The following CHD6 variants were observed in gnomAD, a reference collection of about 807,000 sequenced individuals.
CHD6 encodes chromodomain helicase DNA binding protein 6.
A neutral mutation model predicts 276.9 loss-of-function variants in CHD6; 50 were observed. That is an observed-to-expected ratio of 0.18 (90% CI 0.14 to 0.23). The LOEUF (loss-of-function observed/expected upper bound fraction) is 0.23. Among genes scored for constraint, CHD6 ranks in the 10% least tolerant of loss-of-function variants. CHD6 has a pLI of 1.00. For missense variants in CHD6, 2,564 were observed against 3,365.8 expected, an observed-to-expected ratio of 0.76 and a Z score of 5.89; for synonymous variants, 1,173 against 1,229.3, an observed-to-expected ratio of 0.95 and a Z score of 0.96.
chr20:41,455,144 T>C (rs908180407), intron 19 of CHD6, among the ~76,000 whole-genome samples: 3 of 152,312 alleles, frequency 2.0e-5, no homozygotes, highest in African/African-American at 7.2e-5. Context: ...GTATGAGGTG[T>C]AGAGACAAGG....
chr20:41,603,354 A>G (rs1036586428), intron 1 of CHD6, among the ~76,000 whole-genome samples: 1 of 152,076 alleles, frequency 6.6e-6, no homozygotes, highest in Admixed American at 6.5e-5. Flanking sequence ...AAAAGAAAAG[A>G]AAAAAACCTT....
intron 36 of CHD6, among the ~76,000 whole-genome samples, chr20:41,408,781 A>T (rs1305361652): frequency 6.6e-6 from 1 of 152,234 alleles, no homozygotes; most frequent in African/African-American, 2.4e-5. Context: ...TTCTGTTAGG[A>T]AGAAAACAAG....
At chr20:41,483,614 C>A in intron 15 of CHD6, 95 bp from the exon 16 acceptor site, 1 of 922,406 alleles carries the variant, frequency 1.1e-6, no homozygotes. Flanking sequence ...GAAGTGAATT[C>A]TTAGGTCCTA....
At chr20:41,589,832 T>C (rs1217950331) in intron 1 of CHD6, among the ~76,000 whole-genome samples, 2 of 151,900 alleles carry the variant, frequency 1.3e-5, no homozygotes, top group East Asian at 3.9e-4. Flanking sequence ...CCCATCAAGC[T>C]ATCACTTTCT....
At chr20:41,461,061 C>T (rs2048531554) in intron 17 of CHD6, among the ~76,000 whole-genome samples, 1 of 152,244 alleles carries the variant, frequency 6.6e-6, no homozygotes, top group African/African-American at 2.4e-5. Flanking sequence ...AATTTCAATG[C>T]TCCGGTGGAT....
At chr20:41,427,899 T>C (rs2047415611) in intron 27 of CHD6, among the ~76,000 whole-genome samples, 1 of 152,352 alleles carries the variant, frequency 6.6e-6, no homozygotes, top group African/African-American at 2.4e-5. Flanking sequence ...TGAAGATCCT[T>C]TGAATGCTGA....
intron 4 of CHD6, among the ~76,000 whole-genome samples, chr20:41,513,323 A>T (rs1170617006): frequency 6.6e-6 from 1 of 152,124 alleles, no homozygotes; most frequent in Non-Finnish European, 1.5e-5. Context: ...TCCTCCAATA[A>T]AACAAGGATG....
chr20:41,586,962 T>C (rs560897402), intron 1 of CHD6, among the ~76,000 whole-genome samples: 3 of 152,282 alleles, frequency 2.0e-5, no homozygotes, highest in East Asian at 3.9e-4. Context: ...GGAGGAATCC[T>C]AGCCAGTGCA....
At chr20:41,499,041 C>T (rs2043766501) in intron 6 of CHD6, among the ~76,000 whole-genome samples, 1 of 151,976 alleles carries the variant, frequency 6.6e-6, no homozygotes, top group Non-Finnish European at 1.5e-5. Context: ...GCTACAGCAA[C>T]TAAGGGATAT....
rs903367515 is a variant in CHD6 at position 41,488,512 on chromosome 20, G to A, written c.1773C>T (p.His591=). 3 of 1,613,828 alleles carry A rather than the reference G, an allele frequency of 1.9e-6. No individual in the cohort carries two copies. Among genetic ancestry groups the A allele is most frequent in the Non-Finnish European group, 2.5e-6 (3 of 1,179,870 alleles). Residue 591 remains histidine, a synonymous_variant, in exon 13 of 37, where the codon CAC becomes CAT. Coordinates refer to ENST00000373233, the MANE Select transcript of CHD6 (RefSeq NM_032221.5). ...CTTCATCAATTATCACACAGCTCCA[G>A]TGAATCTTCTTCAACTCTGGGCAGT... is the stretch of plus-strand genomic sequence containing the variant. ...LADCPELKKI[H]WSCVIIDEAH...
At chr20:41,457,201 A>C (rs2048401927) in intron 18 of CHD6, 63 bp downstream of exon 18, 1 of 1,554,964 alleles carries the variant, frequency 6.4e-7, no homozygotes. Flanking sequence ...GTAAGAAGAG[A>C]AGCCTGTCTG....
chr20:41,601,634 C>T (rs1466748472), intron 1 of CHD6, among the ~76,000 whole-genome samples: 3 of 152,138 alleles, frequency 2.0e-5, no homozygotes, highest in Non-Finnish European at 2.9e-5. Flanking sequence ...AAGGCAGGAT[C>T]TTCAATGCCC....
At chr20:41,541,078 A>G (rs1444236741) in intron 2 of CHD6, among the ~76,000 whole-genome samples, 1 of 151,152 alleles carries the variant, frequency 6.6e-6, no homozygotes, top group African/African-American at 2.4e-5. Context: ...TTTTGCTGCA[A>G]TTGTACTGGA....
chr20:41,451,760 G>T (rs139439828), intron 22 of CHD6, 66 bp downstream of exon 22: 2 of 1,384,988 alleles, frequency 1.4e-6, no homozygotes, highest in Non-Finnish European at 2.1e-6. Context: ...ATACGGCCCC[G>T]CAGAGGAAGA....
chr20:41,612,178 C>CT (rs1403245035), intron 1 of CHD6, among the ~76,000 whole-genome samples: 1 of 152,222 alleles, frequency 6.6e-6, no homozygotes, highest in Non-Finnish European at 1.5e-5. Context: ...CTACATGCTT[C>CT]TTTTCAAGTT....
At chr20:41,405,526 C>A (rs765422490) in intron 36 of CHD6, 37 bp from the exon 37 acceptor site, 1 of 1,491,800 alleles carries the variant, frequency 6.7e-7, no homozygotes, top group African/African-American at 1.4e-5. Context: ...CTGAAGGCAA[C>A]AGGATGGCAG....
intron 1 of CHD6, among the ~76,000 whole-genome samples, chr20:41,554,240 C>T (rs1049348998): frequency 1.3e-5 from 2 of 152,126 alleles, no homozygotes; most frequent in Non-Finnish European, 2.9e-5. Flanking sequence ...AATTATGATG[C>T]AGCAGGGACA....
At chr20:41,604,878 T>C (rs939468151) in intron 1 of CHD6, among the ~76,000 whole-genome samples, 4 of 152,078 alleles carry the variant, frequency 2.6e-5, no homozygotes, top group African/African-American at 9.7e-5. Flanking sequence ...GGCACATGAC[T>C]ACGTAATACA....
At chr20:41,484,726 A>G (rs1160581456) in intron 14 of CHD6, 119 bp from the exon 15 acceptor site, 1 of 1,041,614 alleles carries the variant, frequency 9.6e-7, no homozygotes, top group African/African-American at 1.6e-5. Context: ...GTAGTAGACT[A>G]AAAGAAAGAT....
Sources: allele counts gnomAD v4.1 joint callset (sites outside exome capture counted in the v4.1 genomes callset), GRCh38; gene constraint gnomAD v4.1.1; transcripts MANE v1.5; gene names NCBI Gene and HGNC (gene_info 2026-07-23, HGNC 2026-07-21).